The following DCHS2 variants were observed in gnomAD, a reference collection of about 807,000 sequenced individuals.
DCHS2 encodes protocadherin-23.
Under a neutral mutation model 182.4 loss-of-function variants are expected in DCHS2, and 142 were observed. That is an observed-to-expected ratio of 0.78 (90% CI 0.68 to 0.89). The LOEUF (loss-of-function observed/expected upper bound fraction) is 0.89. Ranked by LOEUF, DCHS2 falls within the 40% of genes least tolerant of loss-of-function variation. The pLI is 0.00. For synonymous variants in DCHS2, 1,740 were observed against 1,663.3 expected, an observed-to-expected ratio of 1.05 and a Z score of -1.12; for missense variants, 4,319 against 4,198.6, an observed-to-expected ratio of 1.03 and a Z score of -0.79.
intron 1 of DCHS2, among the ~76,000 whole-genome samples, chr4:154,420,246 C>CAGACAGATAGAT (rs1553950394): frequency 1.3e-3 from 192 of 144,850 alleles, no homozygotes; most frequent in Middle Eastern, 6.8e-3. Flanking sequence ...GACAGACAGA[C>CAGACAGATAGAT]AGATAGATAG....
chr4:154,392,352 C>T (rs1393426517), intron 1 of DCHS2, among the ~76,000 whole-genome samples: 1 of 152,146 alleles, frequency 6.6e-6, no homozygotes, highest in East Asian at 1.9e-4. Context: ...CAGAGGTCTT[C>T]CCAGTGGAAG....
intron 1 of DCHS2, among the ~76,000 whole-genome samples, chr4:154,403,615 T>A (rs954728415): frequency 6.6e-6 from 1 of 152,196 alleles, no homozygotes; most frequent in East Asian, 1.9e-4. Flanking sequence ...TTACCTGTAA[T>A]GCTTTGATCA....
intron 8 of DCHS2, among the ~76,000 whole-genome samples, chr4:154,321,433 T>G (rs907590421): frequency 2.0e-5 from 3 of 152,164 alleles, no homozygotes; most frequent in African/African-American, 7.2e-5. Context: ...AGCTACAGAA[T>G]TTTCTATTTC....
At chr4:154,337,734 T>A (rs1329737230) in intron 3 of DCHS2, among the ~76,000 whole-genome samples, 6 of 150,518 alleles carry the variant, frequency 4.0e-5, no homozygotes, top group Non-Finnish European at 8.9e-5. Flanking sequence ...AGCCATATTT[T>A]ATTATTATTA....
chr4:154,236,154 T>G lies in DCHS2; in HGVS notation c.8498A>C (p.Asp2833Ala), dbSNP rs572143137. ...GTCAAGGATTTGCTTAGCATGAATA[T>G]CCCCTGTCAAAGGGTCAATGAGGAA... ...DLFLIDPLTG[D>A]IHAKQILDYE... Residue 2833 changes from aspartate (D) to alanine (A), a missense_variant, in exon 20 of 20, where the codon GAT (aspartate) becomes GCT (alanine). Coordinates refer to ENST00000357232, the MANE Select transcript of DCHS2 (RefSeq NM_001358235.2). The G allele has an allele frequency of 6.2e-7, 1 of 1,613,766 alleles. No homozygotes were observed. Among genetic ancestry groups the G allele is most frequent in the Non-Finnish European group, 8.5e-7 (1 of 1,179,944 alleles).
intron 12 of DCHS2, among the ~76,000 whole-genome samples, chr4:154,303,502 A>G (rs1163016566): frequency 6.6e-6 from 1 of 151,290 alleles, no homozygotes; most frequent in Admixed American, 6.6e-5. Flanking sequence ...AAAAAAAAAA[A>G]AAGCTGAAGA....
At chr4:154,456,718 C>A (rs555584206) in intron 1 of DCHS2, among the ~76,000 whole-genome samples, 1 of 152,074 alleles carries the variant, frequency 6.6e-6, no homozygotes, top group Non-Finnish European at 1.5e-5. Context: ...TCAAGGAAGA[C>A]GTTCTATAAA....
At chr4:154,258,544 G>C (rs1560990341) in intron 15 of DCHS2, among the ~76,000 whole-genome samples, 1 of 151,674 alleles carries the variant, frequency 6.6e-6, no homozygotes, top group South Asian at 2.1e-4. Flanking sequence ...CACCAGGCTA[G>C]TTTTATATTT....
chr4:154,488,169 C>A (rs1728655800), intron 1 of DCHS2, among the ~76,000 whole-genome samples: 1 of 151,496 alleles, frequency 6.6e-6, no homozygotes, highest in African/African-American at 2.4e-5. Context: ...CAAAGCAAGA[C>A]CTTGTCTCAA....
chr4:154,423,965 T>C (rs941741041), intron 1 of DCHS2, among the ~76,000 whole-genome samples: 2 of 152,234 alleles, frequency 1.3e-5, no homozygotes, highest in Non-Finnish European at 2.9e-5. Context: ...TATCGTGGTT[T>C]ATCTTCTTCA....
chr4:154,242,324 C>A (rs1469000245), intron 17 of DCHS2, among the ~76,000 whole-genome samples: 1 of 152,078 alleles, frequency 6.6e-6, no homozygotes, highest in Non-Finnish European at 1.5e-5. Flanking sequence ...AGGAGGTTCA[C>A]AATGGTTATC....
chr4:154,385,982 C>A (rs190722191), intron 1 of DCHS2, among the ~76,000 whole-genome samples: 1 of 152,094 alleles, frequency 6.6e-6, no homozygotes, highest in Non-Finnish European at 1.5e-5. Flanking sequence ...ACACCTCACA[C>A]GTCTTAAGTG....
chr4:154,465,218 G>C (rs1040775669), intron 1 of DCHS2, among the ~76,000 whole-genome samples: 5 of 152,056 alleles, frequency 3.3e-5, no homozygotes, highest in Non-Finnish European at 7.4e-5. Flanking sequence ...GCCTTGACTG[G>C]GTCTGAAGGA....
At chr4:154,410,912 C>T (rs536559950) in intron 1 of DCHS2, among the ~76,000 whole-genome samples, 2 of 152,286 alleles carry the variant, frequency 1.3e-5, no homozygotes, top group South Asian at 4.2e-4. Flanking sequence ...GGAATCCCCA[C>T]TAGACTACTA....
chr4:154,279,305 C>T (rs1561007082), intron 13 of DCHS2, among the ~76,000 whole-genome samples: 1 of 151,482 alleles, frequency 6.6e-6, no homozygotes, highest in Non-Finnish European at 1.5e-5. Context: ...AGGAAGGTAA[C>T]AAGAGAAGAA....
chr4:154,415,649 G>A (rs76403692), intron 1 of DCHS2, among the ~76,000 whole-genome samples: 5,724 of 152,250 alleles, frequency 0.038, 173 homozygotes, highest in Non-Finnish European at 0.052. Context: ...CTTGGGTACT[G>A]GAGACCTAAA....
chr4:154,306,615 A>G (rs1294496611), intron 10 of DCHS2, among the ~76,000 whole-genome samples: 1 of 152,104 alleles, frequency 6.6e-6, no homozygotes, highest in East Asian at 1.9e-4. Flanking sequence ...TGAGTCAGAT[A>G]TGACCTCTGT....
At chr4:154,283,523 AATTG>A (rs1213466401) in intron 13 of DCHS2, among the ~76,000 whole-genome samples, 1 of 152,136 alleles carries the variant, frequency 6.6e-6, no homozygotes, top group Non-Finnish European at 1.5e-5. Flanking sequence ...AAGTAAACAC[AATTG>A]ATTAAGTCTG....
intron 2 of DCHS2, among the ~76,000 whole-genome samples, chr4:154,376,706 GCT>G (rs1396853135): frequency 1.3e-5 from 2 of 152,180 alleles, no homozygotes; most frequent in African/African-American, 2.4e-5. Flanking sequence ...AAAACAATCA[GCT>G]CTCTGTCTCT....
Sources: gnomAD v4.1 joint callset for allele counts (sites outside exome capture counted in the v4.1 genomes callset) on GRCh38, gnomAD v4.1.1 for gene constraint, MANE v1.5 for transcripts, NCBI Gene and HGNC (gene_info 2026-07-23, HGNC 2026-07-21) for gene names.